ERFL: variants seen among roughly 807,000 people sequenced by gnomAD.
The protein encoded by ERFL is ETS repressor factor like.
Under a neutral mutation model 27.9 loss-of-function variants are expected in ERFL, and 8 were observed. That is an observed-to-expected ratio of 0.29 (90% CI 0.17 to 0.52). ERFL has a LOEUF of 0.52. ERFL is among the 20% of genes least tolerant of loss of function. The pLI is 0.97. For missense variants in ERFL, 294 were observed against 444.4 expected (o/e 0.66, Z 3.04); for synonymous variants, 174 against 202.8 (o/e 0.86, Z 1.21).
intron 1 of ERFL, among the ~76,000 whole-genome samples, chr19:41,918,424 TCA>T (rs201443484): frequency 3.0e-5 from 4 of 131,638 alleles, no homozygotes; most frequent in East Asian, 4.6e-4. Flanking sequence ...CACACACATA[TCA>T]CACACACACA....
chr19:41,925,716 C>T (rs570344986), intron 1 of ERFL, among the ~76,000 whole-genome samples: 166 of 152,108 alleles, frequency 1.1e-3, no homozygotes, highest in African/African-American at 3.7e-3. Flanking sequence ...AAGACAGGTA[C>T]GGGGGAATCC....
Position 41,924,729 on chromosome 19 carries a change from C to T in ERFL, c.-14+3311G>A, listed in dbSNP as rs887792686. ...AGGTGTGGGGGTGGCTGGGAACAGG[C>T]GACACATGTGTCTAACACATGCTAC... On this transcript the variant is annotated intron_variant, in intron 1 of 5. Coordinates refer to ENST00000597630, the MANE Select transcript of ERFL (RefSeq NM_001365103.2). 4.6e-5 allele frequency among the ~76,000 whole-genome samples: 7 copies of T among 152,012 alleles called. 1 individual carries two copies. The South Asian group carries it at 1.0e-3, about 23-fold the overall frequency.
intron 1 of ERFL, among the ~76,000 whole-genome samples, chr19:41,925,359 G>A (rs559818883): frequency 6.6e-6 from 1 of 152,228 alleles, no homozygotes; most frequent in African/African-American, 2.4e-5. Flanking sequence ...GTACCTGAGG[G>A]ACAGGTGTGG....
intron 1 of ERFL, among the ~76,000 whole-genome samples, chr19:41,922,656 G>A (rs1238530905): frequency 6.6e-6 from 1 of 152,072 alleles, no homozygotes; most frequent in South Asian, 2.1e-4. Flanking sequence ...AGGGCAAGGG[G>A]CGGGGCCTGG....
chr19:41,918,697 C>T (rs1599677688), intron 1 of ERFL, among the ~76,000 whole-genome samples: 4 of 146,602 alleles, frequency 2.7e-5, no homozygotes, highest in South Asian at 2.3e-4. Flanking sequence ...ACCACATATC[C>T]GCCACACACC....
chr19:41,913,025 T>C, intron 1 of ERFL, 93 bp from the exon 2 acceptor site: 1 of 470,906 alleles, frequency 2.1e-6, no homozygotes, highest in Non-Finnish European at 3.4e-6. Context: ...CCTTCCCCTC[T>C]CCCAGGTCCC....
Position 41,912,940 on chromosome 19 carries a change from G to A in ERFL, c.-13-8C>T, listed in dbSNP as rs1568830655. The A allele has an allele frequency of 3.3e-6, 4 of 1,213,846 alleles. No individual in the cohort carries two copies. The highest frequency in any genetic ancestry group is 4.1e-6 in the Non-Finnish European group (4 of 971,722). The allele number at this position is 1,213,846 out of a possible 1,614,324, so 75.2% of individuals were successfully genotyped here. On this transcript the variant is annotated splice_region_variant and splice_polypyrimidine_tract_variant and intron_variant, in intron 1 of 5. Coordinates refer to ENST00000597630, the MANE Select transcript of ERFL (RefSeq NM_001365103.2). ...TCCATGGCGGAGCCGGCCCTGCAGAGGCCGGGAGGGACACACGGGGACGGG... is the reference window on the plus strand; with the variant it reads ...TCCATGGCGGAGCCGGCCCTGCAGAAGCCGGGAGGGACACACGGGGACGGG...
intron 1 of ERFL, among the ~76,000 whole-genome samples, chr19:41,927,273 C>T (rs1027895551): frequency 6.6e-6 from 1 of 152,076 alleles, no homozygotes; most frequent in Non-Finnish European, 1.5e-5. Context: ...CAGAGGGCCC[C>T]GGCCCCACGA....
At chr19:41,914,562 CAT>C (rs2074776210) in intron 1 of ERFL, among the ~76,000 whole-genome samples, 2 of 76,902 alleles carry the variant, frequency 2.6e-5, no homozygotes, top group Non-Finnish European at 5.5e-5. Context: ...CCCCTTCCAC[CAT>C]CTCTGTCTCC....
chr19:41,912,061 C>T (rs1291162059), intron 2 of ERFL, among the ~76,000 whole-genome samples: 1 of 152,110 alleles, frequency 6.6e-6, no homozygotes, highest in Admixed American at 6.5e-5. Flanking sequence ...AAAGGCTCCT[C>T]ACCCCACTCA....
chr19:41,916,690 C>T lies in ERFL; in HGVS notation c.-13-3758G>A, dbSNP rs1277286957. On this transcript the variant is annotated intron_variant, in intron 1 of 5. Transcript: ENST00000597630. This position sits in a 1 kb window ranked among gnomAD's most constrained non-coding sequence, Gnocchi z 5.4. ...ACCAAGCACCACCGACCCTCGAGCG[C>T]ATACATATGCACTTGGTCACGCATG... Among the ~76,000 whole-genome samples, 3 of 151,994 alleles carry T rather than the reference C, an allele frequency of 2.0e-5. No individual in the cohort carries two copies. Among genetic ancestry groups the T allele is most frequent in the African/African-American group, 7.3e-5 (3 of 41,348 alleles).
At chr19:41,913,441 C>T (rs1483301011) in intron 1 of ERFL, among the ~76,000 whole-genome samples, 1 of 151,844 alleles carries the variant, frequency 6.6e-6, no homozygotes, top group South Asian at 2.1e-4. Flanking sequence ...ACCCGCCCCA[C>T]CCGGACGACC....
chr19:41,925,944 G>C (rs1199326645), intron 1 of ERFL, among the ~76,000 whole-genome samples: 20 of 152,030 alleles, frequency 1.3e-4, no homozygotes, highest in African/African-American at 4.8e-4. Flanking sequence ...TTAGCAGGTT[G>C]CATGTGTGAG....
At chr19:41,914,574 C>CCTCCCCTTCCACCATCTCT (rs1568831580) in intron 1 of ERFL, among the ~76,000 whole-genome samples, 2 of 17,932 alleles carry the variant, frequency 1.1e-4, no homozygotes, top group Non-Finnish European at 2.3e-4. Context: ...TCTCTGTCTC[C>CCTCCCCTTCCACCATCTCT]GTCTCTCCCT....
At chr19:41,911,053 G>A (rs1475823074) in intron 2 of ERFL, among the ~76,000 whole-genome samples, 1 of 152,156 alleles carries the variant, frequency 6.6e-6, no homozygotes, top group Non-Finnish European at 1.5e-5. Flanking sequence ...ACAGCACCAA[G>A]ATATCCATGT....
chr19:41,908,449 C>T lies in ERFL; in HGVS notation c.844G>A (p.Gly282Arg). The change falls in exon 6 of 6, where the codon GGG becomes AGG. Residue 282 changes from glycine to arginine, a missense_variant. Gly to Arg is a moderately radical substitution (Grantham distance 125). Around this residue, in one of 3 missense-constraint regions of ERFL, gnomAD observed 246 missense variants for 371.4 expected, o/e 0.66. Coordinates refer to ENST00000597630, the MANE Select transcript of ERFL (RefSeq NM_001365103.2). This position sits in a 1 kb window ranked among gnomAD's most constrained non-coding sequence, Gnocchi z 6.7. The part of the protein sequence containing the change: ...PTATPLLAST[G>R]EGLGPERPSG... ...GGGCGCTCGGGGCCCAGGCCCTCCCCTGTCGAGGCCAGCAGGGGCGTGGCT... is the reference window on the plus strand; with the variant it reads ...GGGCGCTCGGGGCCCAGGCCCTCCCTTGTCGAGGCCAGCAGGGGCGTGGCT... 1 of 1,231,372 alleles carries T rather than the reference C, an allele frequency of 8.1e-7. No individual in the cohort carries two copies. Among genetic ancestry groups the T allele is most frequent in the Admixed American group, 4.2e-5 (1 of 23,720 alleles). The allele number at this position is 1,231,372 out of a possible 1,614,324, so 76.3% of individuals were successfully genotyped here. A position where few individuals can be genotyped will look rare whatever the true frequency, so the allele number is the denominator to read the frequency against.
rs1555851050 is a variant in ERFL at position 41,909,127 on chromosome 19, C to T, written c.549G>A (p.Arg183=). The T allele has an allele frequency of 8.1e-7, 1 of 1,231,816 alleles. No individual in the cohort carries two copies. The highest frequency in any genetic ancestry group is 1.6e-5 in the African/African-American group (1 of 64,368). The allele number at this position is 1,231,816 out of a possible 1,614,324, so 76.3% of individuals were successfully genotyped here. A position where few individuals can be genotyped will look rare whatever the true frequency, so the allele number is the denominator to read the frequency against. ...SAPRLGEPGA[R]TPLFTSETDK... ...CTGTCTCGGAGGTGAACAGGGGTGT[C>T]CGGGCCCCTGGCTCTCCCAGGCGTG... The change falls in exon 5 of 6, where the codon CGG becomes CGA. Residue 183 remains arginine, a synonymous_variant. Transcript: ENST00000597630. This position sits in a 1 kb window ranked among gnomAD's most constrained non-coding sequence, Gnocchi z 5.2.
At chr19:41,918,639 T>G (rs1374122133) in intron 1 of ERFL, among the ~76,000 whole-genome samples, 2 of 129,480 alleles carry the variant, frequency 1.5e-5, no homozygotes, top group Non-Finnish European at 3.2e-5. Flanking sequence ...AACCCTCACA[T>G]ACACCACACA....
chr19:41,928,154 G>A lies in ERFL; in HGVS notation c.-128C>T, dbSNP rs569271086. On this transcript the variant is annotated 5_prime_UTR_variant, in exon 1 of 6. Transcript: ENST00000597630. ...GGGGCACCGGGGCGAGGGGCGGGGT[G>A]GGGGGAGATGCCCGGAGCCCCGGGG... 1.3e-5 allele frequency: 2 copies of A among 151,438 alleles called. No individual in the cohort carries two copies. The highest frequency in any genetic ancestry group is 4.9e-5 in the African/African-American group (2 of 41,094). The allele number at this position is 151,438 out of a possible 1,614,324, so 9.4% of individuals were successfully genotyped here.
Sources: allele counts gnomAD v4.1 joint callset (sites outside exome capture counted in the v4.1 genomes callset), GRCh38; gene constraint gnomAD v4.1.1; regional missense constraint gnomAD v4.1.1; non-coding constraint Gnocchi (gnomAD v3.1); transcripts MANE v1.5; gene names NCBI Gene and HGNC (gene_info 2026-07-23, HGNC 2026-07-21).